The following LAMB1 variants were observed in gnomAD, a reference collection of about 807,000 sequenced individuals.
LAMB1 encodes laminin subunit beta 1.
Under a neutral mutation model 222.3 loss-of-function variants are expected in LAMB1, and 121 were observed. That is an observed-to-expected ratio of 0.54 (90% CI 0.47 to 0.63). The LOEUF (loss-of-function observed/expected upper bound fraction) is 0.63. Among genes scored for constraint, LAMB1 ranks in the 30% least tolerant of loss-of-function variants. The probability of loss-of-function intolerance (pLI) is 0.00; values close to 1 mark genes in which losing one functional copy is unlikely to be tolerated. For synonymous variants in LAMB1, 794 were observed against 807.2 expected, an observed-to-expected ratio of 0.98 and a Z score of 0.28; for missense variants, 2,172 against 2,240.8, an observed-to-expected ratio of 0.97 and a Z score of 0.62.
chr7:108,002,619 G>A (rs1393183306), intron 2 of LAMB1, among the ~76,000 whole-genome samples: 1 of 152,222 alleles, frequency 6.6e-6, no homozygotes, highest in Admixed American at 6.5e-5. Context: ...GGCCGCAGGG[G>A]CCGGGGCTTG....
At chr7:107,941,867 G>T (rs774591796) in intron 24 of LAMB1, among the ~76,000 whole-genome samples, 1 of 112,106 alleles carries the variant, frequency 8.9e-6, no homozygotes, top group Non-Finnish European at 1.7e-5. Flanking sequence ...TTAAGAGACG[G>T]TGTTTCTCCA....
rs757700996 is a variant in LAMB1 at position 107,940,409 on chromosome 7, T to C, written c.3392-51A>G. 3 of 1,555,742 alleles carry C rather than the reference T, an allele frequency of 1.9e-6. No individual in the cohort carries two copies. In the South Asian group the frequency reaches 3.5e-5, roughly 18 times the overall value. ...TGATCTACTTAATCATGAACCTCAG[T>C]GACAAGATGTGGCATTTAGAATACT... is the stretch of plus-strand genomic sequence containing the variant. On this transcript the variant is annotated intron_variant, in intron 24 of 33. Transcript: ENST00000222399.
intron 15 of LAMB1, among the ~76,000 whole-genome samples, chr7:107,962,243 T>G (rs1421486259): frequency 2.6e-5 from 4 of 152,220 alleles, no homozygotes; most frequent in African/African-American, 9.6e-5. Context: ...TGCATCTCTC[T>G]GCTGTTACAC....
At chr7:107,956,657 G>C (rs768376076) in intron 20 of LAMB1, among the ~76,000 whole-genome samples, 1 of 152,224 alleles carries the variant, frequency 6.6e-6, no homozygotes, top group Non-Finnish European at 1.5e-5. Flanking sequence ...ATGCCTGAGA[G>C]GGGTGATGTG....
In LAMB1 at chr7:107,923,924, A is replaced by G. The variant is rs2032489896; in HGVS notation, c.*27T>C. On this transcript the variant is annotated 3_prime_UTR_variant, in exon 34 of 34. Coordinates refer to ENST00000222399, the MANE Select transcript of LAMB1 (RefSeq NM_002291.3). ...AAAATGTAGTTGTTTTACCTTGTTC[A>G]CCTCAGCCATTTTTTATTCTCCTCT... 3 of 1,586,256 alleles carry G rather than the reference A, an allele frequency of 1.9e-6. No individual in the cohort carries two copies. The highest frequency in any genetic ancestry group is 2.8e-5 in the African/African-American group (2 of 72,722).
intron 21 of LAMB1, among the ~76,000 whole-genome samples, chr7:107,954,450 A>G (rs1333353193): frequency 2.0e-5 from 3 of 151,200 alleles, no homozygotes; most frequent in African/African-American, 7.3e-5. Context: ...AACTACAAGC[A>G]TGAGCCACCA....
In LAMB1 at chr7:107,924,381, ATCTAAAG is replaced by A; in HGVS notation, c.5066_5072del (p.Thr1689MetfsTer11). On this transcript the variant is annotated frameshift_variant and splice_region_variant, in exon 33 of 34. Transcript: ENST00000222399. LOFTEE classifies it high-confidence loss of function. ...TTTTATACTTTTCATCAAGTTCACC[ATCTAAAG>A]TCTATAGTTCCACATTTAGACAGAA... 3 of 1,605,138 alleles carry A rather than the reference ATCTAAAG, an allele frequency of 1.9e-6. No individual in the cohort carries two copies. Among genetic ancestry groups the A allele is most frequent in the African/African-American group, 2.7e-5 (2 of 74,350 alleles).
chr7:108,000,669 A>G (rs2034365310), intron 3 of LAMB1, among the ~76,000 whole-genome samples: 1 of 151,738 alleles, frequency 6.6e-6, no homozygotes, highest in African/African-American at 2.4e-5. Context: ...TCAGCCTCCC[A>G]GACAGCTGGG....
intron 5 of LAMB1, among the ~76,000 whole-genome samples, chr7:107,992,288 A>G (rs1383348937): frequency 6.6e-6 from 1 of 152,174 alleles, no homozygotes; most frequent in Non-Finnish European, 1.5e-5. Flanking sequence ...CAGGCTAACA[A>G]AGATTGTCTG....
intron 31 of LAMB1, among the ~76,000 whole-genome samples, chr7:107,927,115 C>T (rs538752830): frequency 5.9e-5 from 9 of 152,196 alleles, no homozygotes; most frequent in Admixed American, 2.6e-4. Context: ...ATAGAATTAA[C>T]TGAATAACAG....
intron 25 of LAMB1, among the ~76,000 whole-genome samples, chr7:107,938,508 A>G (rs1313094014): frequency 2.0e-5 from 3 of 152,312 alleles, no homozygotes; most frequent in East Asian, 1.9e-4. Context: ...ATGTTGAAAA[A>G]AAAGAGTAAT....
At chr7:107,999,891 A>ACCTCTTTTTTG in intron 3 of LAMB1, 1 of 151,450 alleles carries the variant, frequency 6.6e-6, no homozygotes, top group Non-Finnish European at 1.5e-5. Context: ...AGACCGCTGC[A>ACCTCTTTTTTG]CCTCTTTTTT....
intron 13 of LAMB1, among the ~76,000 whole-genome samples, chr7:107,967,359 C>T (rs917389725): frequency 1.3e-5 from 2 of 152,198 alleles, no homozygotes; most frequent in African/African-American, 4.8e-5. Flanking sequence ...TAACAATCTC[C>T]TAAACTGACC....
chr7:107,979,787 C>A (rs1409289057), intron 8 of LAMB1, among the ~76,000 whole-genome samples: 1 of 152,194 alleles, frequency 6.6e-6, no homozygotes, highest in East Asian at 1.9e-4. Flanking sequence ...AATTTTCCAG[C>A]CGTGGGCAGG....
rs141175689 is a variant in LAMB1 at position 107,962,932 on chromosome 7, G to A, written c.1830C>T (p.Tyr610=). 43 of 1,613,424 alleles carry A rather than the reference G, an allele frequency of 2.7e-5. No homozygotes were observed. The African/African-American group carries it at 3.2e-4, about 12-fold the overall frequency. The part of the protein sequence containing the change: ...FIDNIPYSME[Y]DILIRYEPQL... ...GTGGCTCGTAGCGAATTAGGATGTC[G>A]TACTCCATGGAATATGGTATGTTGT... is the stretch of plus-strand genomic sequence containing the variant. The change falls in exon 15 of 34, where the codon TAC becomes TAT. Residue 610 remains tyrosine, a synonymous_variant. Coordinates refer to ENST00000222399, the MANE Select transcript of LAMB1 (RefSeq NM_002291.3).
chr7:107,964,559 A>G lies in LAMB1; in HGVS notation c.1691T>C (p.Leu564Ser), dbSNP rs866185732. 2.5e-6 allele frequency: 4 copies of G among 1,614,160 alleles called. No individual in the cohort carries two copies. The highest frequency in any genetic ancestry group is 2.2e-5 in the East Asian group (1 of 44,882). ...HYLYEAEEAN[L>S]GPGVSIVERQ... ...ACACACTCCCCTACTCACAGGCCCC[A>G]AGTTGGCTTCCTCCGCTTCATAGAG... is the stretch of plus-strand genomic sequence containing the variant. The change falls in exon 14 of 34, where the codon TTG becomes TCG. Residue 564 changes from leucine (L) to serine (S), a missense_variant. Transcript: ENST00000222399.
At chr7:107,977,683 C>T (rs1404772404) in intron 9 of LAMB1, among the ~76,000 whole-genome samples, 1 of 151,992 alleles carries the variant, frequency 6.6e-6, no homozygotes, top group African/African-American at 2.4e-5. Context: ...CTCAGCTACT[C>T]CAGGAGAATC....
At chr7:107,968,179 G>A (rs2033671954) in intron 13 of LAMB1, among the ~76,000 whole-genome samples, 1 of 152,044 alleles carries the variant, frequency 6.6e-6, no homozygotes, top group African/African-American at 2.4e-5. Context: ...CAAAACTCAA[G>A]CACAAATCCT....
chr7:107,942,913 C>G (rs1351084019), intron 24 of LAMB1, among the ~76,000 whole-genome samples: 1 of 152,130 alleles, frequency 6.6e-6, no homozygotes, highest in Non-Finnish European at 1.5e-5. Context: ...ATTCCTCAAC[C>G]TTTAGGATTT....
Sources: gnomAD v4.1 joint callset for allele counts (sites outside exome capture counted in the v4.1 genomes callset) on GRCh38, gnomAD v4.1.1 for gene constraint, MANE v1.5 for transcripts, NCBI Gene and HGNC (gene_info 2026-07-23, HGNC 2026-07-21) for gene names.